Variants in LAMP2 observed in about 807,000 individuals in gnomAD.
LAMP2 encodes the protein lysosome associated membrane protein 2.
Under a neutral mutation model 25.6 loss-of-function variants are expected in LAMP2, and 4 were observed. That is an observed-to-expected ratio of 0.16 (90% CI 0.08 to 0.36). The LOEUF (loss-of-function observed/expected upper bound fraction) is 0.36. Ranked by LOEUF, LAMP2 falls within the 10% of genes least tolerant of loss-of-function variation. The pLI is 1.00. For missense variants in LAMP2, 272 were observed against 301.4 expected (o/e 0.90, Z 0.72); for synonymous variants, 108 against 112.7 (o/e 0.96, Z 0.27).
intron 1 of LAMP2, among the ~76,000 whole-genome samples, chrX:120,465,277 GA>G (rs1921485276): frequency 9.5e-6 from 1 of 105,169 alleles, no homozygotes; most frequent in Admixed American, 1.0e-4. Flanking sequence ...TTCCCACCCA[GA>G]AAAGCCTCAA....
At position 120,449,047 on chromosome X, in the gene LAMP2, T is replaced by C; in HGVS notation, c.479A>G (p.Glu160Gly). ...GTAGTGTTGGACAACATCATTCTTT[T>C]CCAAAGTTGATAAACTATTGCATCT... ...LFRCNSLSTL[E>G]KNDVVQHYWD... Residue 160 changes from glutamate to glycine, a missense_variant, in exon 4 of 9, where the codon GAA becomes GGA. Glu to Gly is a moderately conservative substitution (Grantham distance 98). Coordinates refer to ENST00000200639, the MANE Select transcript of LAMP2 (RefSeq NM_002294.3). 1 of 1,206,873 alleles carries C rather than the reference T, an allele frequency of 8.3e-7. No homozygotes were observed. The highest frequency in any genetic ancestry group is 1.1e-6 in the Non-Finnish European group (1 of 891,029).
chrX:120,435,315 CTA>C (rs936467311), intron 8 of LAMP2, among the ~76,000 whole-genome samples: 1 of 111,992 alleles, frequency 8.9e-6, no homozygotes, highest in African/African-American at 3.2e-5. Flanking sequence ...TCATGAATAT[CTA>C]TACCAGTTTC....
intron 6 of LAMP2, among the ~76,000 whole-genome samples, chrX:120,444,055 A>G (rs2058586074): frequency 9.0e-6 from 1 of 110,738 alleles, no homozygotes; most frequent in Admixed American, 9.6e-5. Flanking sequence ...AGAAAAAAGA[A>G]AAGAAAGAAA....
chrX:120,443,958 G>A (rs1451547742), intron 6 of LAMP2, among the ~76,000 whole-genome samples: 1 of 107,939 alleles, frequency 9.3e-6, no homozygotes, highest in African/African-American at 3.4e-5. Flanking sequence ...TCCAGCCTGG[G>A]CGACAAAGCG....
At chrX:120,435,386 G>C (rs726566) in intron 8 of LAMP2, among the ~76,000 whole-genome samples, 32,438 of 110,433 alleles carry the variant, frequency 0.29, 4,059 homozygotes, top group Middle Eastern at 0.41. Flanking sequence ...AAAAGAAAAG[G>C]AGATGGGTGG....
At chrX:120,442,745 A>G in intron 6 of LAMP2, 83 bp from the exon 7 acceptor site, 2 of 734,986 alleles carry the variant, frequency 2.7e-6, no homozygotes, top group Non-Finnish European at 4.3e-6. Context: ...ACAGAAGAAA[A>G]GCAATCTAAC....
rs991396612 is a variant in LAMP2, at chrX:120,441,846, C to G, written c.977G>C (p.Gly326Ala). 7 of 1,208,388 alleles carry G rather than the reference C, an allele frequency of 5.8e-6. No individual in the cohort carries two copies. Among genetic ancestry groups the G allele is most frequent in the Non-Finnish European group, 7.8e-6 (7 of 893,579 alleles). Residue 326 changes from glycine to alanine, a missense_variant, in exon 8 of 9, where the codon GGA (glycine) becomes GCA (alanine). By Grantham distance (60) the Gly-to-Ala change is moderately conservative (BLOSUM62 0). Coordinates refer to ENST00000200639, the MANE Select transcript of LAMP2 (RefSeq NM_002294.3). ...NNLSYWDAPL[G>A]SSYMCNKEQT... ...CTCTTTGTTGCACATATAAGAACTT[C>G]CCAGGGGGGCATCCCAGTAGCTGAG...
In LAMP2 at chrX:120,427,671, A is replaced by C. The variant is rs2058503961; in HGVS notation, c.*3652T>G. On this transcript the variant is annotated 3_prime_UTR_variant, in exon 9 of 9. Coordinates refer to ENST00000200639, the MANE Select transcript of LAMP2 (RefSeq NM_002294.3). Reference sequence around the variant, plus strand: ...GAGTTTTTGTTTTCAGTGCAGGATAAATGAACCTTCTTAACAAGTTAAGGC... The same window carrying C: ...GAGTTTTTGTTTTCAGTGCAGGATACATGAACCTTCTTAACAAGTTAAGGC... Among the ~76,000 whole-genome samples, 1 of 112,047 alleles carries C rather than the reference A, an allele frequency of 8.9e-6. No homozygotes were observed. Among genetic ancestry groups the C allele is most frequent in the Non-Finnish European group, 1.9e-5 (1 of 53,147 alleles).
At chrX:120,464,294 T>C (rs1164989892) in intron 1 of LAMP2, among the ~76,000 whole-genome samples, 2 of 111,730 alleles carry the variant, frequency 1.8e-5, no homozygotes, top group African/African-American at 6.5e-5. Context: ...CAAAACATCA[T>C]TTAAAATTCA....
chrX:120,445,153 C>A lies in LAMP2; in HGVS notation c.864+1152G>T, dbSNP rs2058590623. On this transcript the variant is annotated intron_variant, in intron 6 of 8. Coordinates refer to ENST00000200639, the MANE Select transcript of LAMP2 (RefSeq NM_002294.3). ...CTTTCCTTGTTCTTATTGACCATAA[C>A]CCCTATTAGGTAACTTTAAAAGAGA... 2.7e-5 allele frequency among the ~76,000 whole-genome samples: 3 copies of A among 112,017 alleles called. No homozygotes were observed. In the Admixed American group the frequency reaches 2.8e-4, roughly 11 times the overall value.
chrX:120,432,266 G>C (rs2058525999), intron 8 of LAMP2, among the ~76,000 whole-genome samples: 1 of 110,942 alleles, frequency 9.0e-6, no homozygotes, highest in South Asian at 3.8e-4. Context: ...AGCACTTCAA[G>C]GGAAACGCAA....
At chrX:120,464,648 C>A (rs1921460749) in intron 1 of LAMP2, among the ~76,000 whole-genome samples, 1 of 112,189 alleles carries the variant, frequency 8.9e-6, no homozygotes, top group Non-Finnish European at 1.9e-5. Flanking sequence ...TAACGGAAGG[C>A]CCTCTGACCA....
At chrX:120,436,881 C>T in intron 8 of LAMP2, 1 of 735,081 alleles carries the variant, frequency 1.4e-6, no homozygotes, top group Non-Finnish European at 1.6e-6. Context: ...GGCATATAAT[C>T]TGAATGTAGA....
Position 120,431,391 on chromosome X carries a change from G to A in LAMP2, c.1165C>T (p.Leu389Phe), listed in dbSNP as rs1569365439. Residue 389 changes from leucine (L) to phenylalanine (F), a missense_variant, in exon 9 of 9, where the codon CTT becomes TTT. By Grantham distance (22) the Leu-to-Phe change is conservative (BLOSUM62 0). Transcript: ENST00000200639. ...IAVGAALAGV[L>F]ILVLLAYFIG... ...AAATAAGCCAGCAACACTAGAATAA[G>A]TACTCCTGCCAAGGCAGCTCCCACC... 1 of 1,210,655 alleles carries A rather than the reference G, an allele frequency of 8.3e-7. No homozygotes were observed. Among genetic ancestry groups the A allele is most frequent in the Non-Finnish European group, 1.1e-6 (1 of 894,477 alleles).
intron 8 of LAMP2, among the ~76,000 whole-genome samples, chrX:120,439,858 A>C (rs762334334): frequency 6.2e-4 from 69 of 111,031 alleles, no homozygotes; most frequent in Non-Finnish European, 1.0e-3. Context: ...TCTTTTGGGA[A>C]AGTGGAAACA....
chrX:120,464,962 C>T (rs1468978333), intron 1 of LAMP2, among the ~76,000 whole-genome samples: 4 of 111,314 alleles, frequency 3.6e-5, no homozygotes, highest in African/African-American at 1.3e-4. Context: ...AGGCTGGTCT[C>T]GAACTCCTGA....
At chrX:120,434,268 C>T (rs2058533740) in intron 8 of LAMP2, among the ~76,000 whole-genome samples, 1 of 111,978 alleles carries the variant, frequency 8.9e-6, no homozygotes, top group African/African-American at 3.2e-5. Flanking sequence ...AGTACTGAAA[C>T]GACTTTCATA....
chrX:120,436,164 ACACACACT>A (rs1333324037), intron 8 of LAMP2, among the ~76,000 whole-genome samples: 58 of 85,687 alleles, frequency 6.8e-4, no homozygotes, highest in Admixed American at 5.6e-3. Context: ...ACACACACAC[ACACACACT>A]CTCTCTCTCT....
chrX:120,450,857 A>T (rs2058618047), intron 3 of LAMP2, among the ~76,000 whole-genome samples: 1 of 109,419 alleles, frequency 9.1e-6, no homozygotes, highest in East Asian at 2.8e-4. Context: ...CTTTATAGAT[A>T]TATAATCTTT....
Sources: gnomAD v4.1 joint callset for allele counts (sites outside exome capture counted in the v4.1 genomes callset) on GRCh38, gnomAD v4.1.1 for gene constraint, MANE v1.5 for transcripts, NCBI Gene and HGNC (gene_info 2026-07-23, HGNC 2026-07-21) for gene names.